The following PRDM5 variants were observed in gnomAD, a reference collection of about 807,000 sequenced individuals.
PRDM5 encodes PR/SET domain 5, also known as PR domain zinc finger protein 5.
In PRDM5, 56 loss-of-function variants were observed where a neutral mutation model predicts 81.2. That is an observed-to-expected ratio of 0.69 (90% CI 0.56 to 0.86). The LOEUF (loss-of-function observed/expected upper bound fraction) is 0.86. Ranked by LOEUF, PRDM5 falls within the 40% of genes least tolerant of loss-of-function variation. The pLI is 0.00. For synonymous variants in PRDM5, 267 were observed against 256.4 expected (o/e 1.04, Z -0.39); for missense variants, 697 against 770.1 (o/e 0.91, Z 1.12).
intron 3 of PRDM5, 126 bp downstream of exon 3, chr4:120,853,289 TCTG>T: frequency 1.4e-6 from 2 of 1,396,114 alleles, no homozygotes; most frequent in Admixed American, 1.7e-5. Context: ...ATGAGATTTC[TCTG>T]CTTTTATGAG....
At position 120,695,560 on chromosome 4, in the gene PRDM5, T is replaced by C. The variant is rs75387932; in HGVS notation, c.1729-285A>G. Reference sequence around the variant, plus strand: ...TTACGGTCTAGATGGCATCTCTCTCTATAACATAAATGGCATAAGACATTT... The same window carrying C: ...TTACGGTCTAGATGGCATCTCTCTCCATAACATAAATGGCATAAGACATTT... On this transcript the variant is annotated intron_variant, in intron 15 of 15. Transcript: ENST00000264808. 2.0e-5 allele frequency among the ~76,000 whole-genome samples: 3 copies of C among 152,276 alleles called. No homozygotes were observed. The East Asian group carries it at 5.8e-4, about 29-fold the overall frequency.
At chr4:120,717,585 C>T (rs1737975438) in intron 14 of PRDM5, among the ~76,000 whole-genome samples, 1 of 152,176 alleles carries the variant, frequency 6.6e-6, no homozygotes, top group Non-Finnish European at 1.5e-5. Flanking sequence ...CTTTGGAGGA[C>T]TCTGAACATG....
intron 14 of PRDM5, among the ~76,000 whole-genome samples, chr4:120,722,913 G>T (rs943101999): frequency 2.0e-5 from 3 of 152,140 alleles, no homozygotes; most frequent in Admixed American, 2.0e-4. Flanking sequence ...AAAAGCTGGG[G>T]CCACTAACGA....
chr4:120,777,338 A>G, intron 12 of PRDM5, 57 bp from the exon 13 acceptor site: 1 of 1,610,686 alleles, frequency 6.2e-7, no homozygotes, highest in Non-Finnish European at 8.5e-7. Context: ...GGTAAAGATG[A>G]TTAAATGCCT....
At chr4:120,840,566 G>A (rs541839485) in intron 3 of PRDM5, among the ~76,000 whole-genome samples, 1 of 152,032 alleles carries the variant, frequency 6.6e-6, no homozygotes, top group Admixed American at 6.5e-5. Context: ...GGCCCCAAAA[G>A]TGTGGCCCCA....
intron 13 of PRDM5, among the ~76,000 whole-genome samples, chr4:120,756,742 A>T (rs1387305674): frequency 6.6e-6 from 1 of 152,210 alleles, no homozygotes; most frequent in Non-Finnish European, 1.5e-5. Flanking sequence ...GTCATTTTTT[A>T]GATTTTCAAA....
chr4:120,759,661 T>C (rs1745312981), intron 13 of PRDM5, among the ~76,000 whole-genome samples: 1 of 152,232 alleles, frequency 6.6e-6, no homozygotes, highest in Admixed American at 6.5e-5. Flanking sequence ...AAAACTTATC[T>C]TCAGTTTTAG....
intron 2 of PRDM5, 97 bp from the exon 3 acceptor site, chr4:120,853,637 AC>A (rs1759544354): frequency 1.3e-6 from 2 of 1,488,888 alleles, no homozygotes; most frequent in African/African-American, 2.8e-5. Context: ...ATAAGTATAT[AC>A]CTTTTTTATT....
intron 5 of PRDM5, 59 bp from the exon 6 acceptor site, chr4:120,816,983 A>G (rs1371354002): frequency 3.2e-6 from 4 of 1,267,170 alleles, no homozygotes; most frequent in Non-Finnish European, 4.6e-6. Flanking sequence ...CTCTAAGACA[A>G]AAATGAAACT....
At chr4:120,825,647 G>A (rs1426603649) in intron 3 of PRDM5, among the ~76,000 whole-genome samples, 1 of 152,158 alleles carries the variant, frequency 6.6e-6, no homozygotes, top group African/African-American at 2.4e-5. Flanking sequence ...CCTCCCAGCT[G>A]TAAATAAATA....
intron 13 of PRDM5, among the ~76,000 whole-genome samples, chr4:120,764,563 C>A (rs1746101788): frequency 6.6e-6 from 1 of 151,738 alleles, no homozygotes; most frequent in African/African-American, 2.4e-5. Flanking sequence ...CCAAAATCAA[C>A]TGAGTAGGAG....
At chr4:120,784,407 T>C (rs1749466221) in intron 11 of PRDM5, among the ~76,000 whole-genome samples, 1 of 152,074 alleles carries the variant, frequency 6.6e-6, no homozygotes, top group Non-Finnish European at 1.5e-5. Flanking sequence ...AGAAAAAAAT[T>C]GCCTCTGACA....
intron 2 of PRDM5, among the ~76,000 whole-genome samples, chr4:120,877,363 C>T (rs988156725): frequency 3.9e-5 from 6 of 152,204 alleles, no homozygotes; most frequent in Non-Finnish European, 8.8e-5. Flanking sequence ...CAAAGTAACA[C>T]TTATTTAGCC....
intron 14 of PRDM5, among the ~76,000 whole-genome samples, chr4:120,750,682 T>A (rs1447902291): frequency 8.4e-6 from 1 of 118,728 alleles, no homozygotes; most frequent in Non-Finnish European, 1.8e-5. Flanking sequence ...AGACTTAGTT[T>A]CTTTTACACA....
At chr4:120,782,190 T>C (rs1037666319) in intron 11 of PRDM5, among the ~76,000 whole-genome samples, 2 of 152,184 alleles carry the variant, frequency 1.3e-5, no homozygotes, top group African/African-American at 2.4e-5. Flanking sequence ...CGGTATAAAA[T>C]GTATGTAGTA....
chr4:120,705,450 A>G (rs535678851), intron 15 of PRDM5, among the ~76,000 whole-genome samples: 248 of 152,324 alleles, frequency 1.6e-3, no homozygotes, highest in African/African-American at 5.6e-3. Flanking sequence ...TGAGCAGGCC[A>G]TGAAGGAACC....
intron 2 of PRDM5, among the ~76,000 whole-genome samples, chr4:120,863,564 TA>T (rs1441107332): frequency 6.6e-6 from 1 of 151,834 alleles, no homozygotes; most frequent in African/African-American, 2.4e-5. Context: ...TACAAATACT[TA>T]ACTTACAGAA....
intron 14 of PRDM5, among the ~76,000 whole-genome samples, chr4:120,751,962 C>A (rs191146720): frequency 7.2e-5 from 11 of 152,024 alleles, no homozygotes; most frequent in Admixed American, 3.9e-4. Context: ...TAAAATAGGA[C>A]CAAAAATGTC....
At chr4:120,906,771 C>A (rs116313811) in intron 2 of PRDM5, among the ~76,000 whole-genome samples, 3 of 151,970 alleles carry the variant, frequency 2.0e-5, no homozygotes, top group Non-Finnish European at 2.9e-5. Context: ...CATTTTAAGG[C>A]GGGATTTTTG....
Sources: allele counts gnomAD v4.1 joint callset (sites outside exome capture counted in the v4.1 genomes callset), GRCh38; gene constraint gnomAD v4.1.1; transcripts MANE v1.5; gene names NCBI Gene and HGNC (gene_info 2026-07-23, HGNC 2026-07-21).